MASTL: variants seen among roughly 807,000 people sequenced by gnomAD.
MASTL encodes the protein serine/threonine-protein kinase greatwall.
In MASTL, 54 loss-of-function variants were observed where a neutral mutation model predicts 82.5. The observed-to-expected ratio is 0.65, with a 90% CI of 0.53 to 0.82. The LOEUF is 0.82. MASTL is among the 40% of genes least tolerant of loss of function. The probability of loss-of-function intolerance (pLI) is 0.00; values close to 1 mark genes in which losing one functional copy is unlikely to be tolerated. For synonymous variants in MASTL, 323 were observed against 368.9 expected (o/e 0.88, Z 1.43); for missense variants, 950 against 1,047.8 (o/e 0.91, Z 1.29).
chr10:27,155,872 C>T (rs1477832153), intron 1 of MASTL, among the ~76,000 whole-genome samples: 1 of 152,198 alleles, frequency 6.6e-6, no homozygotes, highest in East Asian at 1.9e-4. Context: ...TTCTCCCTGC[C>T]CAGCGTTAGC....
rs558936982 is a variant in MASTL, at chr10:27,178,673, A to AT, written c.2267-2266dup. Among the ~76,000 whole-genome samples the AT allele has an allele frequency of 5.0e-3, 709 of 143,190 alleles. 8 individuals are homozygous for AT. The highest frequency in any genetic ancestry group is 0.015 in the Middle Eastern group (4 of 272). 93.9% of individuals were successfully genotyped at this position (143,190 alleles called of 152,430 possible). The stretch of plus-strand genomic sequence containing the variant: ...TGGCATATCCATAGAGAAATCATGT[A>AT]TTTTTTTTTTTTTTAACACAAGTAT... On this transcript the variant is annotated intron_variant, in intron 9 of 11. Transcript: ENST00000375940.
At chr10:27,157,618 G>A (rs1339656480) in intron 1 of MASTL, among the ~76,000 whole-genome samples, 1 of 151,986 alleles carries the variant, frequency 6.6e-6, no homozygotes, top group Non-Finnish European at 1.5e-5. Context: ...TCAGTTTAGT[G>A]CTCCAACTTT....
chr10:27,159,819 A>G lies in MASTL; in HGVS notation c.464+61A>G. 1 of 1,421,226 alleles carries G rather than the reference A, an allele frequency of 7.0e-7. No individual in the cohort carries two copies. The highest frequency in any genetic ancestry group is 9.9e-7 in the Non-Finnish European group (1 of 1,010,374). 88.0% of individuals were successfully genotyped at this position (1,421,226 alleles called of 1,614,324 possible). ...TTCAAGTAATCAAATTACATATTTG[A>G]GTCTCAGATATTCACAGTAACCACT... On this transcript the variant is annotated intron_variant, in intron 3 of 11. Transcript: ENST00000375940. This position sits in a 1 kb window ranked among gnomAD's most constrained non-coding sequence, Gnocchi z 4.0.
At position 27,166,649 on chromosome 10, in the gene MASTL, C is replaced by T. The variant is rs777106189; in HGVS notation, c.812-453C>T. Among the ~76,000 whole-genome samples the T allele has an allele frequency of 3.9e-5, 6 of 152,218 alleles. No homozygotes were observed. The East Asian group carries it at 7.7e-4, about 20-fold the overall frequency. On this transcript the variant is annotated intron_variant, in intron 6 of 11. Transcript: ENST00000375940. The stretch of plus-strand genomic sequence containing the variant: ...CATTAGCCAGATTTGGTGGTCCTCA[C>T]GACTCAGGAGGCTGAGATGAGAGTA...
At position 27,161,136 on chromosome 10, in the gene MASTL, T is replaced by A; in HGVS notation, c.507T>A (p.His169Gln). 1 of 1,613,132 alleles carries A rather than the reference T, an allele frequency of 6.2e-7. No homozygotes were observed. Among genetic ancestry groups the A allele is most frequent in the Non-Finnish European group, 8.5e-7 (1 of 1,179,134 alleles). Residue 169 changes from histidine to glutamine, a missense_variant, in exon 4 of 12, where the codon CAT becomes CAA. Physicochemically the swap from His to Gln is conservative, Grantham distance 24 (BLOSUM62 0). Transcript: ENST00000375940. The part of the protein sequence containing the change: ...PDNMLISNEG[H>Q]IKLTDFGLSK... ...ATATGCTTATTTCTAATGAGGGTCA[T>A]ATTAAACTGACGGATTTTGGCCTTT...
rs2058304348 is a variant in MASTL, at chr10:27,181,485, C to T, written c.2386C>T (p.Pro796Ser). 2 of 1,602,930 alleles carry T rather than the reference C, an allele frequency of 1.2e-6. No homozygotes were observed. Among genetic ancestry groups the T allele is most frequent in the African/African-American group, 1.3e-5 (1 of 74,770 alleles). ...VFQNILKRDI[P>S]WPEGEEKLSD... ...TTGTATATGTATAATTTTAGATATCCCTTGGCCAGAAGGTGAAGAAAAGTT... is the reference window on the plus strand; with the variant it reads ...TTGTATATGTATAATTTTAGATATCTCTTGGCCAGAAGGTGAAGAAAAGTT... Residue 796 changes from proline (P) to serine (S), a missense_variant, in exon 11 of 12, where the codon CCT becomes TCT. By Grantham distance (74) the Pro-to-Ser change is moderately conservative (BLOSUM62 -1). Transcript: ENST00000375940.
intron 4 of MASTL, among the ~76,000 whole-genome samples, chr10:27,163,823 G>A (rs1205697110): frequency 6.6e-6 from 1 of 151,254 alleles, no homozygotes; most frequent in Non-Finnish European, 1.5e-5. Context: ...GTAGAGATGA[G>A]GTTTCACCAT....
intron 9 of MASTL, among the ~76,000 whole-genome samples, chr10:27,180,621 ACCTCAGGTAATCCAC>A (rs1042019298): frequency 6.6e-6 from 1 of 152,100 alleles, no homozygotes; most frequent in African/African-American, 2.4e-5. Context: ...TGAACTCCTG[ACCTCAGGTAATCCAC>A]CCTCCCCAGC....
At chr10:27,167,873 T>G (rs987509253) in intron 7 of MASTL, among the ~76,000 whole-genome samples, 22 of 152,084 alleles carry the variant, frequency 1.4e-4, no homozygotes, top group Admixed American at 1.4e-3. Context: ...GCCCTTAAAG[T>G]GTCTGTTCTG....
chr10:27,185,557 C>T (rs1264323960), intron 11 of MASTL, among the ~76,000 whole-genome samples: 1 of 143,972 alleles, frequency 6.9e-6, no homozygotes, highest in East Asian at 2.1e-4. Flanking sequence ...CGCTTGAACC[C>T]GGGAGGCAGA....
chr10:27,157,264 A>G (rs7098005), intron 1 of MASTL, among the ~76,000 whole-genome samples: 15,338 of 152,074 alleles, frequency 0.1, 2,534 homozygotes, highest in African/African-American at 0.35. Flanking sequence ...TGTTCCTGAG[A>G]TTTTTACTTT....
chr10:27,155,297 G>A (rs2057314140), upstream of MASTL: 4 of 887,994 alleles, frequency 4.5e-6, no homozygotes, highest in East Asian at 2.7e-5. Context: ...GGTGACGAGG[G>A]CGGGGCGCGG....
At chr10:27,173,437 C>T (rs1279075148) in intron 9 of MASTL, among the ~76,000 whole-genome samples, 178 bp downstream of exon 9, 1 of 152,046 alleles carries the variant, frequency 6.6e-6, no homozygotes, top group Non-Finnish European at 1.5e-5. Flanking sequence ...CCATGGCTGT[C>T]CCACTCTCTG....
At position 27,187,832 on chromosome 10, in the gene MASTL, AATGTGATGCTTTACATCTTATTGTC is replaced by A. The variant is rs1467770375; in HGVS notation, c.*1299_*1323del. On this transcript the variant is annotated 3_prime_UTR_variant, in exon 12 of 12. Coordinates refer to ENST00000375940, the MANE Select transcript of MASTL (RefSeq NM_001172303.3). ...AATAGCTTGTTCAATTTTAATAGAA[AATGTGATGCTTTACATCTTATTGTC>A]ATTTATTTAAAACATGCAACATTAT... 6.6e-6 allele frequency among the ~76,000 whole-genome samples: 1 copy of A among 152,208 alleles called. No homozygotes were observed. The highest frequency in any genetic ancestry group is 1.5e-5 in the Non-Finnish European group (1 of 68,034).
rs1366679475 is a variant in MASTL, at chr10:27,170,561, T to G, written c.1602T>G (p.Cys534Trp). ...PIPMIAKNLM[C>W]ELDEDCEKNS... Reference sequence around the variant, plus strand: ...CAATGATAGCAAAAAACCTTATGTGTGAACTCGATGAAGACTGTGAAAAGA... The same window carrying G: ...CAATGATAGCAAAAAACCTTATGTGGGAACTCGATGAAGACTGTGAAAAGA... Residue 534 changes from cysteine to tryptophan, a missense_variant, in exon 8 of 12, where the codon TGT becomes TGG. Transcript: ENST00000375940. 1.4e-5 allele frequency: 22 copies of G among 1,613,676 alleles called. No homozygotes were observed. The highest frequency in any genetic ancestry group is 1.9e-5 in the Non-Finnish European group (22 of 1,179,858).
rs150798803 is a variant in MASTL, at chr10:27,158,780, C to T, written c.324+94C>T. ...ACCATGTTTTGGTTCAGAGTGCTTG[C>T]ATTTGAATTCTGGCTGCACTCACTG... is the stretch of plus-strand genomic sequence containing the variant. On this transcript the variant is annotated intron_variant, in intron 2 of 11. Coordinates refer to ENST00000375940, the MANE Select transcript of MASTL (RefSeq NM_001172303.3). 5.0e-5 allele frequency: 69 copies of T among 1,369,390 alleles called. No homozygotes were observed. The African/African-American group carries it at 9.0e-4, about 18-fold the overall frequency. The allele number at this position is 1,369,390 out of a possible 1,614,324, so 84.8% of individuals were successfully genotyped here. A position where few individuals can be genotyped will look rare whatever the true frequency, so the allele number is the denominator to read the frequency against.
At chr10:27,182,596 T>C (rs574354392) in intron 11 of MASTL, among the ~76,000 whole-genome samples, 6 of 151,964 alleles carry the variant, frequency 3.9e-5, no homozygotes, top group East Asian at 3.9e-4. Context: ...ATACAAAAAA[T>C]AGCCAAGCAA....
chr10:27,182,506 G>A (rs1015026036), intron 11 of MASTL, among the ~76,000 whole-genome samples: 1 of 152,042 alleles, frequency 6.6e-6, no homozygotes, highest in African/African-American at 2.4e-5. Context: ...AAGCACTTTG[G>A]GAGGCTGCAG....
chr10:27,166,459 T>C (rs969878786), intron 6 of MASTL, among the ~76,000 whole-genome samples: 1 of 152,170 alleles, frequency 6.6e-6, no homozygotes, highest in Admixed American at 6.6e-5. Context: ...AATTGGATGA[T>C]AGCTATTCCA....
Sources: gnomAD v4.1 joint callset for allele counts (sites outside exome capture counted in the v4.1 genomes callset) on GRCh38, gnomAD v4.1.1 for gene constraint, Gnocchi (gnomAD v3.1) non-coding constraint, MANE v1.5 for transcripts, NCBI Gene and HGNC (gene_info 2026-07-23, HGNC 2026-07-21) for gene names.